The following BPIFB1 variants were observed in gnomAD, a reference collection of about 807,000 sequenced individuals.
BPIFB1 encodes the protein BPI fold containing family B member 1, also known as BPI fold-containing family B member 1.
In BPIFB1, 34 loss-of-function variants were observed where a neutral mutation model predicts 55.1. The observed-to-expected ratio is 0.62, with a 90% CI of 0.47 to 0.82. The LOEUF (loss-of-function observed/expected upper bound fraction) is 0.82. Ranked by LOEUF, BPIFB1 falls within the 40% of genes least tolerant of loss-of-function variation. The pLI, the probability that BPIFB1 is intolerant of heterozygous loss-of-function variation, is 0.00. For missense variants in BPIFB1, 532 were observed against 593.1 expected, an observed-to-expected ratio of 0.90 and a Z score of 1.07; for synonymous variants, 236 against 245.3, an observed-to-expected ratio of 0.96 and a Z score of 0.35.
At chr20:33,287,949 A>G (rs1346132520) in intron 2 of BPIFB1, among the ~76,000 whole-genome samples, 1 of 152,228 alleles carries the variant, frequency 6.6e-6, no homozygotes, top group African/African-American at 2.4e-5. Context: ...ATGGCAAAAA[A>G]GAAATATTCA....
At chr20:33,286,426 T>C (rs1479597198) in intron 2 of BPIFB1, among the ~76,000 whole-genome samples, 1 of 152,234 alleles carries the variant, frequency 6.6e-6, no homozygotes, top group Non-Finnish European at 1.5e-5. Flanking sequence ...TTCCACAGCC[T>C]GCAGAAGGGG....
At position 33,304,091 on chromosome 20, in the gene BPIFB1, T is replaced by A. The variant is rs1477269871; in HGVS notation, c.1208+66T>A. On this transcript the variant is annotated intron_variant, in intron 12 of 15. Transcript: ENST00000253354. ...TGAGTCCCGCCTGGTAACCATGGGT[T>A]TCTTTAAACACCGACTTTGTGGCTG... The A allele has an allele frequency of 1.5e-5, 22 of 1,448,298 alleles. No individual in the cohort carries two copies. In the Admixed American group the frequency reaches 4.1e-4, roughly 27 times the overall value. 89.7% of individuals were successfully genotyped at this position (1,448,298 alleles called of 1,614,324 possible). A position where few individuals can be genotyped will look rare whatever the true frequency, so the allele number is the denominator to read the frequency against.
intron 6 of BPIFB1, among the ~76,000 whole-genome samples, chr20:33,295,029 A>G (rs748525853): frequency 4.9e-4 from 75 of 151,700 alleles, no homozygotes; most frequent in Non-Finnish European, 1.0e-3. Context: ...AGGCTGGCCA[A>G]CATGACGAAA....
chr20:33,285,993 C>A, intron 1 of BPIFB1, 40 bp from the exon 2 acceptor site: 3 of 1,367,432 alleles, frequency 2.2e-6, no homozygotes, highest in Non-Finnish European at 3.1e-6. Context: ...TGGGCCTGCC[C>A]TTGGCCCCTC....
Position 33,297,509 on chromosome 20 carries a change from G to A in BPIFB1, c.598-16G>A. 1.2e-6 allele frequency: 2 copies of A among 1,614,160 alleles called. No homozygotes were observed. The highest frequency in any genetic ancestry group is 1.7e-6 in the Non-Finnish European group (2 of 1,179,998). On this transcript the variant is annotated splice_polypyrimidine_tract_variant and intron_variant, in intron 6 of 15. Transcript: ENST00000253354. ...TGGCCCCTCCCTGATGGAGCCCCTT[G>A]CTTATGCTGTTGCAGCTGTGTCCCG...
At chr20:33,299,233 C>T (rs753954399) in intron 7 of BPIFB1, 4 of 452,424 alleles carry the variant, frequency 8.8e-6, no homozygotes, top group African/African-American at 2.0e-5. Flanking sequence ...GAGCGGTAGG[C>T]GGCCGGTCCC....
chr20:33,297,393 C>T (rs1980687544), intron 6 of BPIFB1, 132 bp from the exon 7 acceptor site: 3 of 923,138 alleles, frequency 3.2e-6, no homozygotes, highest in East Asian at 4.9e-5. Flanking sequence ...ATCCTCAACC[C>T]ATGGATGGAA....
Position 33,288,861 on chromosome 20 carries a change from C to A in BPIFB1, c.236C>A (p.Thr79Asn). 1.2e-6 allele frequency: 2 copies of A among 1,613,724 alleles called. No homozygotes were observed. Among genetic ancestry groups the A allele is most frequent in the African/African-American group, 2.7e-5 (2 of 75,058 alleles). ...GIPVLGSLVN[T>N]VLKHIIWLKV... ...CCTGTGCTGGGCAGCCTGGTGAACA[C>A]CGTCCTGAAGCACATCATCTGGTGA... Residue 79 changes from threonine to asparagine, a missense_variant, in exon 3 of 16, where the codon ACC becomes AAC. Coordinates refer to ENST00000253354, the MANE Select transcript of BPIFB1 (RefSeq NM_033197.3).
At chr20:33,293,276 A>G (rs1038156167) in intron 6 of BPIFB1, among the ~76,000 whole-genome samples, 2 of 152,080 alleles carry the variant, frequency 1.3e-5, no homozygotes, top group Non-Finnish European at 2.9e-5. Flanking sequence ...GGGAAAAAAA[A>G]TCCATAATCC....
In BPIFB1 at chr20:33,297,569, C is replaced by A; in HGVS notation, c.642C>A (p.Asp214Glu). ...IEASFNGMYA[D>E]LLQLVKVPIS... ...CTTCCTTCAATGGCATGTATGCAGACCTCCTGCAGCTGGTGAAGGGTAGGT... is the reference window on the plus strand; with the variant it reads ...CTTCCTTCAATGGCATGTATGCAGAACTCCTGCAGCTGGTGAAGGGTAGGT... The change falls in exon 7 of 16, where the codon GAC becomes GAA. Residue 214 changes from aspartate to glutamate, a missense_variant. Asp to Glu is a conservative substitution (Grantham distance 45). Transcript: ENST00000253354. The A allele has an allele frequency of 2.5e-6, 4 of 1,614,200 alleles. No individual in the cohort carries two copies. The highest frequency in any genetic ancestry group is 3.4e-6 in the Non-Finnish European group (4 of 1,180,014).
At chr20:33,289,531 G>C (rs73906380) in intron 3 of BPIFB1, among the ~76,000 whole-genome samples, 11,931 of 152,204 alleles carry the variant, frequency 0.078, 1,561 homozygotes, top group African/African-American at 0.27. Flanking sequence ...ATGGCATCCA[G>C]GTAGAAGAAT....
intron 10 of BPIFB1, chr20:33,302,688 G>A (rs542491636): frequency 3.2e-6 from 2 of 632,304 alleles, no homozygotes; most frequent in South Asian, 4.0e-5. Context: ...GGACGTCAGG[G>A]AGGCCTCCCT....
intron 14 of BPIFB1, chr20:33,306,615 T>G (rs1981034312): frequency 2.5e-6 from 1 of 398,756 alleles, no homozygotes; most frequent in Non-Finnish European, 4.5e-6. Context: ...TGGAAAAATC[T>G]CAAAGTATAG....
intron 15 of BPIFB1, among the ~76,000 whole-genome samples, chr20:33,308,253 C>A (rs1981099093): frequency 6.6e-6 from 1 of 152,202 alleles, no homozygotes; most frequent in Admixed American, 6.5e-5. Context: ...TCAGCTTAGA[C>A]CCCACCTCCA....
In BPIFB1 at chr20:33,299,668, C is replaced by T. The variant is rs1037974490; in HGVS notation, c.662-231C>T. 7.2e-5 allele frequency among the ~76,000 whole-genome samples: 11 copies of T among 152,326 alleles called. 2 individuals are homozygous for T. Among genetic ancestry groups the T allele is most frequent in the Admixed American group, 6.5e-5 (1 of 15,306 alleles). On this transcript the variant is annotated intron_variant, in intron 7 of 15. Coordinates refer to ENST00000253354, the MANE Select transcript of BPIFB1 (RefSeq NM_033197.3). ...GGTAATAATAAGACCTACTTCCTAACGTTATCATGCAGATGAACCAGCTGA... is the reference window on the plus strand; with the variant it reads ...GGTAATAATAAGACCTACTTCCTAATGTTATCATGCAGATGAACCAGCTGA...
intron 7 of BPIFB1, among the ~76,000 whole-genome samples, chr20:33,297,966 C>A (rs1257678479): frequency 1.3e-5 from 2 of 152,126 alleles, no homozygotes; most frequent in Non-Finnish European, 2.9e-5. Flanking sequence ...TAAAAGTCTA[C>A]AGGAAAGTTC....
intron 6 of BPIFB1, among the ~76,000 whole-genome samples, chr20:33,292,834 C>T (rs1404463920): frequency 6.6e-6 from 1 of 152,218 alleles, no homozygotes; most frequent in African/African-American, 2.4e-5. Context: ...AAGATGTGTT[C>T]GTAACAATGG....
chr20:33,301,480 G>C (rs578198616), intron 9 of BPIFB1, 68 bp downstream of exon 9: 3 of 1,488,084 alleles, frequency 2.0e-6, no homozygotes, highest in East Asian at 4.6e-5. Flanking sequence ...CTGAACACAG[G>C]GTGCCCCTAA....
chr20:33,298,767 A>G (rs1017079538), intron 7 of BPIFB1: 1 of 157,860 alleles, frequency 6.3e-6, no homozygotes, highest in Middle Eastern at 3.1e-3. Flanking sequence ...AGGAATTACT[A>G]TTCTACCGCC....
Sources: allele counts gnomAD v4.1 joint callset (sites outside exome capture counted in the v4.1 genomes callset), GRCh38; gene constraint gnomAD v4.1.1; transcripts MANE v1.5; gene names NCBI Gene and HGNC (gene_info 2026-07-23, HGNC 2026-07-21).